PPP1R1B: variants seen among roughly 807,000 people sequenced by gnomAD.
PPP1R1B encodes the protein protein phosphatase 1 regulatory inhibitor subunit 1B, also known as protein phosphatase 1 regulatory subunit 1B.
In PPP1R1B, 13 loss-of-function variants were observed where a neutral mutation model predicts 28.2. The ratio of observed to expected loss-of-function variants is 0.46; its 90% CI spans 0.30 to 0.73. The LOEUF (loss-of-function observed/expected upper bound fraction) is 0.73, where lower values mean the gene tolerates loss of function less well. Ranked by LOEUF, PPP1R1B falls within the 30% of genes least tolerant of loss-of-function variation. The pLI, the probability that PPP1R1B is intolerant of heterozygous loss-of-function variation, is 0.07. For synonymous variants in PPP1R1B, 102 were observed against 97.5 expected (o/e 1.05, Z -0.27); for missense variants, 236 against 256.7 (o/e 0.92, Z 0.55).
rs1262670029 is a variant in PPP1R1B, at chr17:39,635,879, A to G, written c.*14A>G. The stretch of plus-strand genomic sequence containing the variant: ...CCTGGCACATAGGCACCCAGCCTGC[A>G]TCTCCCAGGAGGAAGTGGAGGGGAC... On this transcript the variant is annotated 3_prime_UTR_variant, in exon 7 of 7. Transcript: ENST00000254079. The G allele has an allele frequency of 6.2e-7, 1 of 1,611,998 alleles. No individual in the cohort carries two copies.
In PPP1R1B at chr17:39,629,198, T is replaced by C; in HGVS notation, c.110T>C (p.Met37Thr). The change falls in exon 2 of 7, where the codon ATG becomes ACG. Residue 37 changes from methionine to threonine, a missense_variant. By Grantham distance (81) the Met-to-Thr change is moderately conservative. Coordinates refer to ENST00000254079, the MANE Select transcript of PPP1R1B (RefSeq NM_032192.4). ...MIRRRRPTPA[M>T]LFRLSEHSSP... ...CGGCGCAGGAGACCAACGCCTGCCA[T>C]GCTGTTCCGGCTCTCAGAGCACTCC... 1 of 1,613,706 alleles carries C rather than the reference T, an allele frequency of 6.2e-7. No individual in the cohort carries two copies. Among genetic ancestry groups the C allele is most frequent in the Non-Finnish European group, 8.5e-7 (1 of 1,179,900 alleles).
intron 4 of PPP1R1B, 45 bp from the exon 5 acceptor site, chr17:39,633,838 C>T (rs948745780): frequency 1.9e-6 from 3 of 1,609,078 alleles, no homozygotes; most frequent in Non-Finnish European, 2.5e-6. Context: ...GATCCATGGG[C>T]TGTGTCTAGC....
chr17:39,630,382 C>T, intron 4 of PPP1R1B: 1 of 344,028 alleles, frequency 2.9e-6, no homozygotes, highest in African/African-American at 2.1e-5. Flanking sequence ...CCACCTCCCA[C>T]CCCTGCTCAT....
At chr17:39,628,469 T>C in intron 1 of PPP1R1B, 4 of 983,754 alleles carry the variant, frequency 4.1e-6, no homozygotes, top group Non-Finnish European at 4.8e-6. Flanking sequence ...GGTCAGTTGC[T>C]GCTTGGCTCA....
chr17:39,631,043 T>C (rs933293756), intron 4 of PPP1R1B, among the ~76,000 whole-genome samples: 1 of 151,228 alleles, frequency 6.6e-6, no homozygotes, highest in African/African-American at 2.4e-5. Context: ...CACTCCAGTC[T>C]GGGCAAAAAG....
chr17:39,627,477 A>G lies in PPP1R1B; in HGVS notation c.81+4A>G. The G allele has an allele frequency of 1.3e-6, 2 of 1,546,976 alleles. No homozygotes were observed. The highest frequency in any genetic ancestry group is 2.3e-5 in the South Asian group (2 of 86,302). On this transcript the variant is annotated splice_donor_region_variant and intron_variant, in intron 1 of 6. Transcript: ENST00000254079. ...CGACCCCCGCCAGGTGGAGATGGTA[A>G]GGGGCCCGTGCCCCACCCCGGCAGC...
intron 5 of PPP1R1B, 25 bp from the exon 6 acceptor site, chr17:39,635,582 C>T (rs1050717475): frequency 1.9e-6 from 3 of 1,609,804 alleles, no homozygotes; most frequent in Non-Finnish European, 2.5e-6. Flanking sequence ...AGCCTGTGTT[C>T]TTATCTCTTC....
chr17:39,634,098 G>A lies in PPP1R1B; in HGVS notation c.445+12G>A, dbSNP rs912524673. 5 of 1,613,250 alleles carry A rather than the reference G, an allele frequency of 3.1e-6. No individual in the cohort carries two copies. The African/African-American group carries it at 6.7e-5, about 22-fold the overall frequency. ...CATCAGGCAGTCTGGTAAGCTGAGG[G>A]GCCTGTGACATGTGGATTAGCTGTG... On this transcript the variant is annotated intron_variant, in intron 5 of 6. Transcript: ENST00000254079.
chr17:39,629,122 G>A (rs2056857193), intron 1 of PPP1R1B, 48 bp from the exon 2 acceptor site: 2 of 1,575,642 alleles, frequency 1.3e-6, no homozygotes, highest in East Asian at 2.2e-5. Context: ...TGGGGGTGGG[G>A]GAGGGCTGCA....
Position 39,630,136 on chromosome 17 carries a change from T to C in PPP1R1B, c.241+89T>C, listed in dbSNP as rs919667423. The C allele has an allele frequency of 4.1e-5, 52 of 1,255,750 alleles. 1 individual carries two copies. In the East Asian group the frequency reaches 1.2e-3, roughly 28 times the overall value. The allele number at this position is 1,255,750 out of a possible 1,614,324, so 77.8% of individuals were successfully genotyped here. A position where few individuals can be genotyped will look rare whatever the true frequency, so the allele number is the denominator to read the frequency against. Reference sequence around the variant, plus strand: ...GGGAGCTTTTGTCAGTGGGGAGGGATTGTTTCGCCACACATAGCCCGCTGT... The same window carrying C: ...GGGAGCTTTTGTCAGTGGGGAGGGACTGTTTCGCCACACATAGCCCGCTGT... On this transcript the variant is annotated intron_variant, in intron 4 of 6. Coordinates refer to ENST00000254079, the MANE Select transcript of PPP1R1B (RefSeq NM_032192.4).
At chr17:39,628,301 G>A (rs1314495902) in intron 1 of PPP1R1B, among the ~76,000 whole-genome samples, 1 of 152,076 alleles carries the variant, frequency 6.6e-6, no homozygotes, top group African/African-American at 2.4e-5. Flanking sequence ...AAGCAGCTTT[G>A]GGTCATGAGG....
At chr17:39,633,434 G>A in intron 4 of PPP1R1B, 1 of 192,614 alleles carries the variant, frequency 5.2e-6, no homozygotes, top group Non-Finnish European at 1.1e-5. Flanking sequence ...AGCAGGCTGG[G>A]CACCCCCAAG....
At chr17:39,629,585 AAGG>A (rs2056861258) in intron 3 of PPP1R1B, 23 bp downstream of exon 3, 10 of 1,613,080 alleles carry the variant, frequency 6.2e-6, no homozygotes, top group Middle Eastern at 1.6e-4. Context: ...GGGCAGCTGG[AAGG>A]AGGGATGCCT....
intron 1 of PPP1R1B, among the ~76,000 whole-genome samples, chr17:39,628,310 G>A (rs2056851178): frequency 6.6e-6 from 1 of 152,070 alleles, no homozygotes; most frequent in African/African-American, 2.4e-5. Context: ...TGGGTCATGA[G>A]GGTGTCATGG....
chr17:39,629,500 G>C, intron 2 of PPP1R1B, 40 bp from the exon 3 acceptor site: 1 of 1,612,922 alleles, frequency 6.2e-7, no homozygotes, highest in East Asian at 2.2e-5. Flanking sequence ...TTTCCTCCTC[G>C]CTTGGTTCTG....
intron 4 of PPP1R1B, 121 bp from the exon 5 acceptor site, chr17:39,633,762 G>A (rs1253102309): frequency 6.5e-7 from 1 of 1,536,356 alleles, no homozygotes; most frequent in Middle Eastern, 2.1e-4. Context: ...TTGGGCCCCT[G>A]AGGGGGTATT....
intron 4 of PPP1R1B, among the ~76,000 whole-genome samples, chr17:39,631,646 G>A (rs1457027600): frequency 6.6e-6 from 1 of 152,222 alleles, no homozygotes; most frequent in African/African-American, 2.4e-5. Flanking sequence ...ACCAGCCAAG[G>A]TCAACAGGTA....
rs747819327 is a variant in PPP1R1B at position 39,629,217 on chromosome 17, G to A, written c.129G>A (p.Glu43=). Residue 43 remains glutamate, a synonymous_variant, in exon 2 of 7, where the codon GAG becomes GAA. Coordinates refer to ENST00000254079, the MANE Select transcript of PPP1R1B (RefSeq NM_032192.4). ...CTGCCATGCTGTTCCGGCTCTCAGA[G>A]CACTCCTCACCAGGTAGGCCCCTCC... ...PTPAMLFRLS[E]HSSPEEEASP... 5 of 1,613,604 alleles carry A rather than the reference G, an allele frequency of 3.1e-6. No individual in the cohort carries two copies. Among genetic ancestry groups the A allele is most frequent in the Non-Finnish European group, 4.2e-6 (5 of 1,179,928 alleles).
intron 3 of PPP1R1B, 59 bp downstream of exon 3, chr17:39,629,621 C>T (rs915302876): frequency 4.0e-5 from 63 of 1,587,044 alleles, no homozygotes; most frequent in Admixed American, 1.0e-4. Flanking sequence ...GTGGGGTGGA[C>T]GGGTGCCTGC....
Sources: gnomAD v4.1 joint callset for allele counts (sites outside exome capture counted in the v4.1 genomes callset) on GRCh38, gnomAD v4.1.1 for gene constraint, MANE v1.5 for transcripts, NCBI Gene and HGNC (gene_info 2026-07-23, HGNC 2026-07-21) for gene names.